Variants in PRRC2C observed in about 807,000 individuals in gnomAD.
PRRC2C encodes the protein protein PRRC2C.
A neutral mutation model predicts 317.2 loss-of-function variants in PRRC2C; 72 were observed. The observed-to-expected ratio is 0.23, with a 90% CI of 0.19 to 0.28. The LOEUF is 0.28. Ranked by LOEUF, PRRC2C falls within the 10% of genes least tolerant of loss-of-function variation. The pLI, the probability that PRRC2C is intolerant of heterozygous loss-of-function variation, is 1.00. For synonymous variants in PRRC2C, 1,296 were observed against 1,205.9 expected (o/e 1.07, Z -1.55); for missense variants, 3,074 against 3,459.7 (o/e 0.89, Z 2.80).
At chr1:171,537,572 A>G in intron 15 of PRRC2C, 99 bp downstream of exon 15, 2 of 1,084,106 alleles carry the variant, frequency 1.8e-6, no homozygotes, top group Non-Finnish European at 2.6e-6. Flanking sequence ...GGACTGAAGC[A>G]TAAATCTGGT....
Position 171,589,670 on chromosome 1 carries a change from C to T in PRRC2C, c.8436+65C>T, listed in dbSNP as rs1403912356. The T allele has an allele frequency of 4.4e-6, 5 of 1,142,234 alleles. No homozygotes were observed. In the Admixed American group the frequency reaches 1.2e-4, roughly 27 times the overall value. 70.8% of individuals were successfully genotyped at this position (1,142,234 alleles called of 1,614,324 possible). A position where few individuals can be genotyped will look rare whatever the true frequency, so the allele number is the denominator to read the frequency against. ...CTCTGAACCATGTCTTAAAATGCCT[C>T]TGGACCCATAACTGTATATCCAGGC... On this transcript the variant is annotated intron_variant, in intron 34 of 34. Coordinates refer to ENST00000647382, the MANE Select transcript of PRRC2C (RefSeq NM_001387844.1).
At chr1:171,591,494 AT>A (rs1313977921) in intron 34 of PRRC2C, 92 bp from the exon 35 acceptor site, 2 of 1,486,830 alleles carry the variant, frequency 1.3e-6, no homozygotes, top group African/African-American at 2.8e-5. Context: ...GGGAAAACTG[AT>A]TTGTGATTGG....
chr1:171,563,567 AAAG>A (rs1324475894), intron 20 of PRRC2C, among the ~76,000 whole-genome samples: 2 of 152,204 alleles, frequency 1.3e-5, no homozygotes, highest in East Asian at 3.8e-4. Context: ...ATGGGGCAGT[AAAG>A]AAGATATAGT....
intron 1 of PRRC2C, among the ~76,000 whole-genome samples, chr1:171,493,150 G>T (rs1667494009): frequency 6.6e-6 from 1 of 152,134 alleles, no homozygotes; most frequent in Non-Finnish European, 1.5e-5. Context: ...GAAGAAGAGG[G>T]CCAATGATAC....
rs576793672 is a variant in PRRC2C, at chr1:171,573,259, A to T, written c.6754-1668A>T. The stretch of plus-strand genomic sequence containing the variant: ...GTTTCACTGAATTTCCGAAAATAAA[A>T]ACTTCAAATTATCTTTCTGCTTAAG... On this transcript the variant is annotated intron_variant, in intron 24 of 34. Coordinates refer to ENST00000647382, the MANE Select transcript of PRRC2C (RefSeq NM_001387844.1). Among the ~76,000 whole-genome samples the T allele has an allele frequency of 6.6e-5, 10 of 152,374 alleles. No individual in the cohort carries two copies. In the East Asian group the frequency reaches 1.7e-3, roughly 26 times the overall value.
intron 3 of PRRC2C, chr1:171,513,590 GT>G (rs1179081633): frequency 2.8e-6 from 1 of 354,910 alleles, no homozygotes; most frequent in Non-Finnish European, 5.6e-6. Context: ...GTAATAATTT[GT>G]ATATACTGTA....
chr1:171,524,744 T>G (rs1172313369), intron 9 of PRRC2C, 77 bp from the exon 10 acceptor site: 2 of 1,397,346 alleles, frequency 1.4e-6, no homozygotes, highest in Admixed American at 6.0e-5. Context: ...AGAAATAATT[T>G]TTTTAATTGC....
At position 171,541,902 on chromosome 1, in the gene PRRC2C, G is replaced by C. The variant is rs764433170; in HGVS notation, c.4436G>C (p.Gly1479Ala). The C allele has an allele frequency of 2.5e-6, 4 of 1,613,718 alleles. No homozygotes were observed. The highest frequency in any genetic ancestry group is 1.3e-5 in the African/African-American group (1 of 75,002). Residue 1479 changes from glycine (G) to alanine (A), a missense_variant, in exon 16 of 35, where the codon GGG (glycine) becomes GCG (alanine). Coordinates refer to ENST00000647382, the MANE Select transcript of PRRC2C (RefSeq NM_001387844.1). The surrounding 1 kb of genome is among the most constrained non-coding windows in gnomAD (Gnocchi z 4.1). The part of the protein sequence containing the change: ...EPVNTLGDIS[G>A]NKTPDLSNQN... ...GTTAATACTCTTGGGGATATTTCCG[G>C]GAATAAGACACCAGATTTATCTAAT...
At position 171,540,604 on chromosome 1, in the gene PRRC2C, A is replaced by G; in HGVS notation, c.3138A>G (p.Glu1046=). ...GAGAAAAGGCCGAAAAGGTCACTGAAAAAGTAGTTGTAAAGCCTGAAAAGA... is the reference window on the plus strand; with the variant it reads ...GAGAAAAGGCCGAAAAGGTCACTGAGAAAGTAGTTGTAAAGCCTGAAAAGA... ...KEGEKAEKVT[E]KVVVKPEKTE... Residue 1046 remains glutamate (E), a synonymous_variant, in exon 16 of 35, where the codon GAA becomes GAG. Coordinates refer to ENST00000647382, the MANE Select transcript of PRRC2C (RefSeq NM_001387844.1). The G allele has an allele frequency of 6.2e-7, 1 of 1,613,940 alleles. No individual in the cohort carries two copies. Among genetic ancestry groups the G allele is most frequent in the East Asian group, 2.2e-5 (1 of 44,864 alleles).
chr1:171,574,911 G>A lies in PRRC2C; in HGVS notation c.6754-16G>A. ...TAACATCATTTTTTTACTATAAAATGTCCGTTTTATTGCAGATGGAGTCTG... is the reference window on the plus strand; with the variant it reads ...TAACATCATTTTTTTACTATAAAATATCCGTTTTATTGCAGATGGAGTCTG... On this transcript the variant is annotated splice_polypyrimidine_tract_variant and intron_variant, in intron 24 of 34. Transcript: ENST00000647382. 1 of 1,610,364 alleles carries A rather than the reference G, an allele frequency of 6.2e-7. No homozygotes were observed. Among genetic ancestry groups the A allele is most frequent in the Non-Finnish European group, 8.5e-7 (1 of 1,177,712 alleles).
In PRRC2C at chr1:171,505,865, A is replaced by G. The variant is rs116382411; in HGVS notation, c.-57-6167A>G. On this transcript the variant is annotated intron_variant, in intron 1 of 34. Transcript: ENST00000647382. ...GACAGTGGCCTCATAAGATTATAATACCATATTTTTACTGTACGCTTTCTA... is the reference window on the plus strand; with the variant it reads ...GACAGTGGCCTCATAAGATTATAATGCCATATTTTTACTGTACGCTTTCTA... Among the ~76,000 whole-genome samples, 935 of 152,306 alleles carry G rather than the reference A, an allele frequency of 6.1e-3. 3 individuals are homozygous for G. The highest frequency in any genetic ancestry group is 0.021 in the African/African-American group (878 of 41,562).
rs556416349 is a variant in PRRC2C, at chr1:171,503,181, A to G, written c.-57-8851A>G. Among the ~76,000 whole-genome samples, 8 of 152,338 alleles carry G rather than the reference A, an allele frequency of 5.3e-5. No homozygotes were observed. In the South Asian group the frequency reaches 1.5e-3, roughly 28 times the overall value. On this transcript the variant is annotated intron_variant, in intron 1 of 34. Transcript: ENST00000647382. Reference sequence around the variant, plus strand: ...CATTACCATAAACACCTTTGGTGGTAGAAGGAGGCTTATTGATAATGATAG... The same window carrying G: ...CATTACCATAAACACCTTTGGTGGTGGAAGGAGGCTTATTGATAATGATAG...
In PRRC2C at chr1:171,557,298, C is replaced by T; in HGVS notation, c.5186C>T (p.Pro1729Leu). 6.4e-7 allele frequency: 1 copy of T among 1,551,946 alleles called. No homozygotes were observed. Among genetic ancestry groups the T allele is most frequent in the Non-Finnish European group, 8.7e-7 (1 of 1,147,024 alleles). Reference sequence around the variant, plus strand: ...AGAAGCCAGACTTCTAAGCTTCCTCCAAGATTTGCCAAAAAACAGGCTACA... The same window carrying T: ...AGAAGCCAGACTTCTAAGCTTCCTCTAAGATTTGCCAAAAAACAGGCTACA... ...KGRSQTSKLP[P>L]RFAKKQATGI... Residue 1729 changes from proline to leucine, a missense_variant, in exon 19 of 35, where the codon CCA becomes CTA. Physicochemically the swap from Pro to Leu is moderately conservative, Grantham distance 98. Transcript: ENST00000647382.
chr1:171,532,346 C>T lies in PRRC2C; in HGVS notation c.1258C>T (p.Pro420Ser). ...ATCTGATACCTTAATGTTTCAGCAT[C>T]CACCTCCAGATCGACAGGCAGTACC... ...PPPKLLAQQH[P>S]PPDRQAVPGR... Residue 420 changes from proline (P) to serine (S), a missense_variant, in exon 12 of 35, where the codon CCA (proline) becomes TCA (serine). Coordinates refer to ENST00000647382, the MANE Select transcript of PRRC2C (RefSeq NM_001387844.1). 6.2e-7 allele frequency: 1 copy of T among 1,608,874 alleles called. No individual in the cohort carries two copies. Among genetic ancestry groups the T allele is most frequent in the Non-Finnish European group, 8.5e-7 (1 of 1,177,824 alleles).
chr1:171,488,333 C>T (rs1439724478), intron 1 of PRRC2C, among the ~76,000 whole-genome samples: 1 of 152,154 alleles, frequency 6.6e-6, no homozygotes, highest in Non-Finnish European at 1.5e-5. Context: ...TAGGACAACA[C>T]AATGAAAGCT....
chr1:171,540,838 A>G lies in PRRC2C; in HGVS notation c.3372A>G (p.Val1124=). The part of the protein sequence containing the change: ...TVQVEPAVKT[V]NQQTMAAPVV... ...AGGTAGAGCCTGCAGTTAAGACTGTAAACCAACAGACTATGGCAGCACCAG... is the reference window on the plus strand; with the variant it reads ...AGGTAGAGCCTGCAGTTAAGACTGTGAACCAACAGACTATGGCAGCACCAG... The change falls in exon 16 of 35, where the codon GTA becomes GTG. Residue 1124 remains valine (V), a synonymous_variant. Transcript: ENST00000647382. 1 of 1,613,772 alleles carries G rather than the reference A, an allele frequency of 6.2e-7. No homozygotes were observed. The highest frequency in any genetic ancestry group is 8.5e-7 in the Non-Finnish European group (1 of 1,179,824).
intron 24 of PRRC2C, among the ~76,000 whole-genome samples, chr1:171,571,718 T>C (rs1558028434): frequency 6.6e-6 from 1 of 152,222 alleles, no homozygotes; most frequent in Non-Finnish European, 1.5e-5. Context: ...ATCTTAATAA[T>C]TTTTGGATAT....
intron 1 of PRRC2C, among the ~76,000 whole-genome samples, chr1:171,489,534 C>T (rs986102574): frequency 6.6e-6 from 1 of 152,082 alleles, no homozygotes; most frequent in African/African-American, 2.4e-5. Flanking sequence ...GATTGAGTTC[C>T]TAGTTGATTA....
At chr1:171,549,441 T>C (rs1443230650) in intron 17 of PRRC2C, among the ~76,000 whole-genome samples, 2 of 152,204 alleles carry the variant, frequency 1.3e-5, no homozygotes, top group Non-Finnish European at 2.9e-5. Context: ...TAAAGCACTA[T>C]ACAGTCTGAG....
Sources: allele counts gnomAD v4.1 joint callset (sites outside exome capture counted in the v4.1 genomes callset), GRCh38; gene constraint gnomAD v4.1.1; non-coding constraint Gnocchi (gnomAD v3.1); transcripts MANE v1.5; gene names NCBI Gene and HGNC (gene_info 2026-07-23, HGNC 2026-07-21).